Variants in KSR2 observed in about 807,000 individuals in gnomAD.
KSR2 encodes the protein kinase suppressor of ras 2.
Under a neutral mutation model 107.8 loss-of-function variants are expected in KSR2, and 25 were observed. The ratio of observed to expected loss-of-function variants is 0.23; its 90% CI spans 0.17 to 0.32. The LOEUF (loss-of-function observed/expected upper bound fraction) is 0.32, where lower values mean the gene tolerates loss of function less well. KSR2 is among the 10% of genes least tolerant of loss of function. KSR2 has a pLI of 1.00. For missense variants in KSR2, 887 were observed against 1,268.9 expected, an observed-to-expected ratio of 0.70 and a Z score of 4.57; for synonymous variants, 480 against 507.0, an observed-to-expected ratio of 0.95 and a Z score of 0.71.
chr12:117,807,605 G>C (rs1253727879), intron 3 of KSR2, among the ~76,000 whole-genome samples: 1 of 152,150 alleles, frequency 6.6e-6, no homozygotes, highest in Non-Finnish European at 1.5e-5. Flanking sequence ...TCTGATCAAG[G>C]AAATATTTCT....
rs558176412 is a variant in KSR2 at position 117,762,728 on chromosome 12, G to A, written c.473-1204C>T. On this transcript the variant is annotated intron_variant, in intron 3 of 19. Transcript: ENST00000339824. ...AAAAATACAAAAAAATTAGCTAGGT[G>A]TGGTGGCGTGTGCCTGTAATCCCAG... 2.1e-3 allele frequency among the ~76,000 whole-genome samples: 318 copies of A among 152,154 alleles called. 1 individual carries two copies. The highest frequency in any genetic ancestry group is 7.3e-3 in the African/African-American group (305 of 41,510).
intron 5 of KSR2, among the ~76,000 whole-genome samples, chr12:117,599,325 C>G: frequency 6.6e-6 from 1 of 152,166 alleles, no homozygotes; most frequent in East Asian, 1.9e-4. Context: ...TCACTGGTTC[C>G]CAAACTTCAC....
rs188514484 is a variant in KSR2, at chr12:117,761,925, A to G, written c.473-401T>C. ...CATATGCATGCTATTTCATATGCCC[A>G]TTACCTCTTACAGACATTCTATCAA... On this transcript the variant is annotated intron_variant, in intron 3 of 19. Coordinates refer to ENST00000339824, the MANE Select transcript of KSR2 (RefSeq NM_173598.6). Among the ~76,000 whole-genome samples the G allele has an allele frequency of 1.4e-4, 21 of 152,312 alleles. No individual in the cohort carries two copies. In the East Asian group the frequency reaches 3.7e-3, roughly 27 times the overall value.
chr12:117,780,721 T>A (rs571234202), intron 3 of KSR2, among the ~76,000 whole-genome samples: 1 of 152,210 alleles, frequency 6.6e-6, no homozygotes, highest in South Asian at 2.1e-4. Flanking sequence ...CAATAAAAAA[T>A]TAATGTTGGC....
intron 1 of KSR2, among the ~76,000 whole-genome samples, chr12:117,944,703 T>G: frequency 6.6e-6 from 1 of 150,914 alleles, no homozygotes. Context: ...CAAAAAAATT[T>G]AAAAATTAGC....
chr12:117,710,950 C>G (rs1886747697), intron 4 of KSR2, among the ~76,000 whole-genome samples: 1 of 152,162 alleles, frequency 6.6e-6, no homozygotes, highest in East Asian at 1.9e-4. Context: ...ACTCCATTCT[C>G]CACTTGGCTC....
At chr12:117,567,889 C>T (rs187732504) in intron 7 of KSR2, among the ~76,000 whole-genome samples, 1 of 151,522 alleles carries the variant, frequency 6.6e-6, no homozygotes, top group East Asian at 1.9e-4. Flanking sequence ...CATGTGAGTT[C>T]CCCTGTGGTC....
At chr12:117,786,860 T>C (rs1890095221) in intron 3 of KSR2, among the ~76,000 whole-genome samples, 1 of 151,538 alleles carries the variant, frequency 6.6e-6, no homozygotes, top group Admixed American at 6.6e-5. Flanking sequence ...AGAAACCCTG[T>C]CTCTACTAAA....
intron 1 of KSR2, among the ~76,000 whole-genome samples, chr12:117,870,259 A>G (rs1044499934): frequency 2.0e-5 from 3 of 152,204 alleles, no homozygotes; most frequent in Non-Finnish European, 2.9e-5. Flanking sequence ...TCTCATCTGT[A>G]AAACAGGTGT....
chr12:117,650,291 C>A (rs1292131152), intron 5 of KSR2, among the ~76,000 whole-genome samples: 1 of 152,198 alleles, frequency 6.6e-6, no homozygotes, highest in Non-Finnish European at 1.5e-5. Context: ...CATACAACTC[C>A]AAGTTCTTCA....
intron 16 of KSR2, among the ~76,000 whole-genome samples, chr12:117,484,187 G>A (rs1183954935): frequency 1.3e-5 from 2 of 152,186 alleles, no homozygotes; most frequent in Non-Finnish European, 2.9e-5. Context: ...GGTGCTCTGT[G>A]TCCAATCACA....
intron 3 of KSR2, among the ~76,000 whole-genome samples, chr12:117,762,710 CA>C (rs368605197): frequency 6.6e-6 from 1 of 151,724 alleles, no homozygotes; most frequent in African/African-American, 2.4e-5. Context: ...ACTAAAAATA[CA>C]AAAAAATTAG....
intron 3 of KSR2, among the ~76,000 whole-genome samples, chr12:117,828,320 G>A (rs1382356990): frequency 6.6e-6 from 1 of 152,190 alleles, no homozygotes; most frequent in Non-Finnish European, 1.5e-5. Flanking sequence ...CCACAGTCAA[G>A]TTCAGGTAGA....
chr12:117,616,532 A>C (rs1881899759), intron 5 of KSR2, among the ~76,000 whole-genome samples: 2 of 152,190 alleles, frequency 1.3e-5, no homozygotes. Context: ...AGCCTTGCCC[A>C]AAATCACTCT....
In KSR2 at chr12:117,463,041, A is replaced by C. The variant is rs1592896020; in HGVS notation, c.*4158T>G. ...GATCTTGGGACTTCCAGCCTCAAGA[A>C]TTGTGAGGAATAAATTCGTGTTGTT... is the stretch of plus-strand genomic sequence containing the variant. On this transcript the variant is annotated 3_prime_UTR_variant, in exon 20 of 20. Coordinates refer to ENST00000339824, the MANE Select transcript of KSR2 (RefSeq NM_173598.6). The C allele has an allele frequency of 6.6e-6, 1 of 152,256 alleles. No individual in the cohort carries two copies. Among genetic ancestry groups the C allele is most frequent in the African/African-American group, 2.4e-5 (1 of 41,464 alleles). 9.4% of individuals were successfully genotyped at this position (152,256 alleles called of 1,614,324 possible). A position where few individuals can be genotyped will look rare whatever the true frequency, so the allele number is the denominator to read the frequency against.
At chr12:117,495,082 C>T (rs1486857666) in intron 14 of KSR2, among the ~76,000 whole-genome samples, 1 of 152,224 alleles carries the variant, frequency 6.6e-6, no homozygotes, top group Non-Finnish European at 1.5e-5. Context: ...GGCTTGAGCT[C>T]CCAAGGCAGT....
chr12:117,947,166 AAAAG>A (rs369965872), intron 1 of KSR2, among the ~76,000 whole-genome samples: 27 of 95,822 alleles, frequency 2.8e-4, no homozygotes, highest in South Asian at 6.8e-4. Flanking sequence ...ACACTCTGTC[AAAAG>A]AAAGAAAGAA....
intron 1 of KSR2, among the ~76,000 whole-genome samples, chr12:117,870,158 C>G (rs921123913): frequency 2.4e-4 from 37 of 152,194 alleles, no homozygotes; most frequent in African/African-American, 7.7e-4. Context: ...AGAGAGAGGG[C>G]CTTATTCATC....
chr12:117,916,004 A>G (rs17511946), intron 1 of KSR2, among the ~76,000 whole-genome samples: 14,382 of 151,850 alleles, frequency 0.095, 762 homozygotes, highest in South Asian at 0.23. Context: ...TCCTAGCCCA[A>G]TGCATTCTGA....
Sources: gnomAD v4.1 joint callset for allele counts (sites outside exome capture counted in the v4.1 genomes callset) on GRCh38, gnomAD v4.1.1 for gene constraint, MANE v1.5 for transcripts, NCBI Gene and HGNC (gene_info 2026-07-23, HGNC 2026-07-21) for gene names.